CCSER1: variants seen among roughly 807,000 people sequenced by gnomAD.
CCSER1 encodes the protein coiled-coil serine rich protein 1.
Under a neutral mutation model 82.0 loss-of-function variants are expected in CCSER1, and 41 were observed. The observed-to-expected ratio is 0.50, with a 90% CI of 0.39 to 0.65. CCSER1 has a LOEUF of 0.65. CCSER1 is among the 30% of genes least tolerant of loss of function. The pLI is 0.00. For missense variants in CCSER1, 1,119 were observed against 1,064.2 expected (o/e 1.05, Z -0.72); for synonymous variants, 414 against 383.9 (o/e 1.08, Z -0.92).
At chr4:91,426,696 T>G (rs1197729979) in intron 10 of CCSER1, among the ~76,000 whole-genome samples, 1 of 152,220 alleles carries the variant, frequency 6.6e-6, no homozygotes, top group East Asian at 1.9e-4. Context: ...TAAATGTTTC[T>G]TGTTGACTTT....
chr4:90,577,057 A>G (rs937967079), intron 5 of CCSER1, among the ~76,000 whole-genome samples: 1 of 151,990 alleles, frequency 6.6e-6, no homozygotes, highest in Non-Finnish European at 1.5e-5. Flanking sequence ...AATGTTCTGC[A>G]TTTTGGCTAT....
chr4:90,766,883 T>C (rs1296111085), intron 7 of CCSER1, among the ~76,000 whole-genome samples: 1 of 152,078 alleles, frequency 6.6e-6, no homozygotes, highest in African/African-American at 2.4e-5. Context: ...ATTTGTTCAC[T>C]AGAGCTCATA....
chr4:90,175,207 A>G (rs968299298), intron 1 of CCSER1, among the ~76,000 whole-genome samples: 15 of 152,138 alleles, frequency 9.9e-5, no homozygotes. Context: ...AGGCTACAAC[A>G]TGGGTGAATG....
chr4:90,257,718 C>T (rs960449044), intron 1 of CCSER1, among the ~76,000 whole-genome samples: 1 of 152,122 alleles, frequency 6.6e-6, no homozygotes, highest in African/African-American at 2.4e-5. Context: ...TGTTGGCTGT[C>T]TGATGACCCA....
At chr4:90,386,410 A>C (rs13129884) in intron 3 of CCSER1, among the ~76,000 whole-genome samples, 7,243 of 152,092 alleles carry the variant, frequency 0.048, 254 homozygotes, top group East Asian at 0.18. Flanking sequence ...AGGACACCCT[A>C]TTCAGTAAAT....
At chr4:90,654,487 A>G (rs1729348145) in intron 6 of CCSER1, among the ~76,000 whole-genome samples, 1 of 152,096 alleles carries the variant, frequency 6.6e-6, no homozygotes, top group Admixed American at 6.6e-5. Flanking sequence ...TAAATGTTAA[A>G]CATACATTTT....
intron 10 of CCSER1, among the ~76,000 whole-genome samples, chr4:91,405,223 G>GT (rs60149197): frequency 5.5e-4 from 82 of 148,134 alleles, no homozygotes; most frequent in Middle Eastern, 3.5e-3. Context: ...GCAACCCCTG[G>GT]TTTTTTTTTT....
Position 90,796,418 on chromosome 4 carries a change from TAAA to T in CCSER1, c.2011-19329_2011-19327del, listed in dbSNP as rs70963082. Among the ~76,000 whole-genome samples the T allele has an allele frequency of 8.4e-4, 67 of 79,690 alleles. 1 individual carries two copies. In the East Asian group the frequency reaches 0.028, roughly 34 times the overall value. The allele number at this position is 79,690 out of a possible 152,430, so 52.3% of individuals were successfully genotyped here. ...AGTGGTATATCTATTGTACTAAATT[TAAA>T]AAAAAAAAAAAAAACAGCTCTTGGA... On this transcript the variant is annotated intron_variant, in intron 7 of 10. Coordinates refer to ENST00000509176, the MANE Select transcript of CCSER1 (RefSeq NM_001145065.2).
At chr4:90,692,714 T>C (rs895305836) in intron 6 of CCSER1, among the ~76,000 whole-genome samples, 1 of 149,990 alleles carries the variant, frequency 6.7e-6, no homozygotes, top group African/African-American at 2.4e-5. Flanking sequence ...TTAATCAAAA[T>C]AGGTTCTTCA....
intron 8 of CCSER1, among the ~76,000 whole-genome samples, chr4:90,877,241 T>G (rs1450922955): frequency 6.6e-6 from 1 of 152,118 alleles, no homozygotes; most frequent in African/African-American, 2.4e-5. Flanking sequence ...AGGTGCTCAG[T>G]TCAGCCTTAA....
At chr4:90,348,599 TACTC>T (rs1742845977) in intron 3 of CCSER1, among the ~76,000 whole-genome samples, 1 of 152,318 alleles carries the variant, frequency 6.6e-6, no homozygotes, top group South Asian at 2.1e-4. Flanking sequence ...CAATAAAAAT[TACTC>T]AGTATATTAA....
chr4:91,003,364 T>A (rs958946606), intron 9 of CCSER1, among the ~76,000 whole-genome samples: 1 of 152,124 alleles, frequency 6.6e-6, no homozygotes, highest in African/African-American at 2.4e-5. Context: ...GCTAGGCATG[T>A]CTGAGCTCAG....
intron 6 of CCSER1, among the ~76,000 whole-genome samples, chr4:90,696,757 A>C (rs1737062205): frequency 1.3e-5 from 2 of 152,114 alleles, no homozygotes; most frequent in African/African-American, 4.8e-5. Flanking sequence ...AGTGGGTTCT[A>C]TTACTCTCCA....
chr4:91,509,879 T>A (rs1197895914), intron 10 of CCSER1, among the ~76,000 whole-genome samples: 1 of 152,128 alleles, frequency 6.6e-6, no homozygotes, highest in Non-Finnish European at 1.5e-5. Flanking sequence ...TAGATTCAAG[T>A]GGTACATGTG....
At chr4:90,433,701 A>G (rs1758615724) in intron 4 of CCSER1, among the ~76,000 whole-genome samples, 1 of 152,082 alleles carries the variant, frequency 6.6e-6, no homozygotes, top group Admixed American at 6.6e-5. Context: ...AAATATAGCA[A>G]TTTATTTAAA....
intron 10 of CCSER1, among the ~76,000 whole-genome samples, chr4:91,482,848 A>T (rs1468594306): frequency 6.6e-6 from 1 of 152,196 alleles, no homozygotes; most frequent in Non-Finnish European, 1.5e-5. Flanking sequence ...GCAAGGACAA[A>T]AAACCAAACA....
At chr4:91,201,678 G>T (rs1335883272) in intron 10 of CCSER1, among the ~76,000 whole-genome samples, 2 of 152,042 alleles carry the variant, frequency 1.3e-5, no homozygotes, top group Non-Finnish European at 2.9e-5. Flanking sequence ...TTACAGATGT[G>T]ATTACGTCTG....
chr4:90,872,521 A>G (rs1384832121), intron 8 of CCSER1, among the ~76,000 whole-genome samples: 1 of 151,972 alleles, frequency 6.6e-6, no homozygotes, highest in East Asian at 1.9e-4. Context: ...ACTTCATTCC[A>G]TCAGTTTTCT....
chr4:91,430,553 A>G (rs1315498703), intron 10 of CCSER1, among the ~76,000 whole-genome samples: 1 of 152,248 alleles, frequency 6.6e-6, no homozygotes, highest in African/African-American at 2.4e-5. Flanking sequence ...CAAGCACCCA[A>G]TTTATTGCTG....
Sources: gnomAD v4.1 joint callset for allele counts (sites outside exome capture counted in the v4.1 genomes callset) on GRCh38, gnomAD v4.1.1 for gene constraint, MANE v1.5 for transcripts, NCBI Gene and HGNC (gene_info 2026-07-23, HGNC 2026-07-21) for gene names.